Variants in ZNF892 observed in about 807,000 individuals in gnomAD.
ZNF892 encodes zinc finger protein 570-like.
chr2:95,254,662 GCTC>G, the ZNF892 span, among the ~76,000 whole-genome samples: 1 of 152,158 alleles, frequency 6.6e-6, no homozygotes, highest in Non-Finnish European at 1.5e-5. Context: ...AATGGTACCA[GCTC>G]CTCCTTGTAC....
At chr2:95,244,221 C>G in the ZNF892 span, among the ~76,000 whole-genome samples, 1 of 149,592 alleles carries the variant, frequency 6.7e-6, no homozygotes, top group Non-Finnish European at 1.5e-5. Context: ...CCGCAGGGTC[C>G]TCTGCCTAGG....
chr2:95,252,584 G>C, the ZNF892 span, among the ~76,000 whole-genome samples: 14 of 152,066 alleles, frequency 9.2e-5, no homozygotes, highest in Non-Finnish European at 4.4e-5. Flanking sequence ...GATTTATAAT[G>C]CTTTGGGTAT....
At chr2:95,251,683 G>A in the ZNF892 span, among the ~76,000 whole-genome samples, 1 of 152,270 alleles carries the variant, frequency 6.6e-6, no homozygotes, top group Admixed American at 6.5e-5. Context: ...GCTAGCCACA[G>A]GCTGGCGCCT....
At chr2:95,251,877 G>A in the ZNF892 span, among the ~76,000 whole-genome samples, 1 of 152,216 alleles carries the variant, frequency 6.6e-6, no homozygotes, top group Admixed American at 6.5e-5. Context: ...CTTTAGGGAG[G>A]CTGTGGATCA....
chr2:95,210,636 T>G, the ZNF892 span, among the ~76,000 whole-genome samples: 1 of 152,200 alleles, frequency 6.6e-6, no homozygotes, highest in Non-Finnish European at 1.5e-5. Context: ...TAAACTTGTT[T>G]CTATTAATTC....
chr2:95,240,628 G>T, the ZNF892 span, among the ~76,000 whole-genome samples: 1 of 152,188 alleles, frequency 6.6e-6, no homozygotes, highest in Admixed American at 6.5e-5. Context: ...CCTCTAGAAA[G>T]GGTGCTGAAT....
At chr2:95,235,559 T>C in the ZNF892 span, among the ~76,000 whole-genome samples, 36 of 152,052 alleles carry the variant, frequency 2.4e-4, no homozygotes, top group Non-Finnish European at 4.1e-4. Context: ...GACAGGGTTT[T>C]ACCATGTTAG....
chr2:95,224,356 C>A, the ZNF892 span, among the ~76,000 whole-genome samples: 1 of 152,006 alleles, frequency 6.6e-6, no homozygotes, highest in Non-Finnish European at 1.5e-5. Context: ...GTGTATTAGC[C>A]CATTTTCACG....
chr2:95,260,079 G>C, the ZNF892 span, among the ~76,000 whole-genome samples: 1 of 152,228 alleles, frequency 6.6e-6, no homozygotes, highest in Admixed American at 6.5e-5. Flanking sequence ...AGGTCCGGCT[G>C]CTGCGTGGCT....
the ZNF892 span, among the ~76,000 whole-genome samples, chr2:95,252,554 A>T: frequency 1.3e-5 from 2 of 152,126 alleles, no homozygotes; most frequent in Non-Finnish European, 2.9e-5. Flanking sequence ...ATACGTGTGC[A>T]TGTTTCTTTA....
At chr2:95,214,817 C>T in the ZNF892 span, 1 of 476,584 alleles carries the variant, frequency 2.1e-6, no homozygotes, top group Non-Finnish European at 3.8e-6. Context: ...TTAGCCAGAG[C>T]ATACACCTTA....
the ZNF892 span, among the ~76,000 whole-genome samples, chr2:95,233,627 C>G: frequency 7.0e-6 from 1 of 143,022 alleles, no homozygotes; most frequent in Non-Finnish European, 1.5e-5. Context: ...GAGCTGAGAT[C>G]GCGCCACTGC....
the ZNF892 span, among the ~76,000 whole-genome samples, chr2:95,210,147 ATGTATATATGTGTATATATGTATATATG>A: frequency 6.7e-6 from 1 of 148,916 alleles, no homozygotes; most frequent in Admixed American, 6.7e-5. Context: ...ACATGTATAT[ATGTATATATGTGTATATATGTATATATG>A]TGTATATATG....
At chr2:95,237,216 C>T in the ZNF892 span, among the ~76,000 whole-genome samples, 3 of 151,012 alleles carry the variant, frequency 2.0e-5, no homozygotes, top group South Asian at 4.2e-4. Flanking sequence ...GGCGCGATCA[C>T]GGCTCACTGC....
the ZNF892 span, among the ~76,000 whole-genome samples, chr2:95,245,520 C>A: frequency 1.4e-5 from 2 of 146,636 alleles, no homozygotes; most frequent in Non-Finnish European, 3.0e-5. Context: ...CCGCCCACCT[C>A]GGCCTCCCAA....
chr2:95,237,407 G>A, the ZNF892 span, among the ~76,000 whole-genome samples: 1 of 152,230 alleles, frequency 6.6e-6, no homozygotes, highest in Admixed American at 6.5e-5. Context: ...TATTGTAGCT[G>A]TTTGGGAGCA....
At chr2:95,223,409 G>A in the ZNF892 span, among the ~76,000 whole-genome samples, 1 of 151,912 alleles carries the variant, frequency 6.6e-6, no homozygotes, top group Non-Finnish European at 1.5e-5. Context: ...GGGGGGAGGA[G>A]GTTTGAAACA....
the ZNF892 span, among the ~76,000 whole-genome samples, chr2:95,214,126 T>A: frequency 6.6e-6 from 1 of 152,234 alleles, no homozygotes; most frequent in East Asian, 1.9e-4. Context: ...ACTCCTTTTA[T>A]GCCGTCGTAC....
the ZNF892 span, among the ~76,000 whole-genome samples, chr2:95,208,003 C>T: frequency 6.6e-6 from 1 of 152,192 alleles, no homozygotes; most frequent in African/African-American, 2.4e-5. Context: ...CATTGCCCTC[C>T]TGGTCTGTAG....
Sources: allele counts gnomAD v4.1 joint callset (sites outside exome capture counted in the v4.1 genomes callset), GRCh38; gene constraint gnomAD v4.1.1; transcripts MANE v1.5; gene names NCBI Gene and HGNC (gene_info 2026-07-23, HGNC 2026-07-21).